The following UGT2B11 variants were observed in gnomAD, a reference collection of about 807,000 sequenced individuals.
UGT2B11 encodes the protein UDP glucuronosyltransferase family 2 member B11.
In UGT2B11, 49 loss-of-function variants were observed where a neutral mutation model predicts 51.7. That is an observed-to-expected ratio of 0.95 (90% confidence interval 0.75 to 1.20). The LOEUF (loss-of-function observed/expected upper bound fraction) is 1.20. UGT2B11 is among the 50% of genes most tolerant of loss of function. UGT2B11 has a pLI of 0.00. For missense variants in UGT2B11, 810 were observed against 622.1 expected (o/e 1.30, Z -3.21); for synonymous variants, 273 against 209.0 (o/e 1.31, Z -2.64).
upstream of UGT2B11, chr4:69,214,940 C>A (rs1359644044): frequency 2.5e-5 from 18 of 711,824 alleles, no homozygotes; most frequent in Non-Finnish European, 4.3e-6. Flanking sequence ...TATTCACTGT[C>A]ATCCACCTAA....
chr4:69,220,335 T>C, the UGT2B11 span, among the ~76,000 whole-genome samples: 1 of 152,096 alleles, frequency 6.6e-6, no homozygotes, highest in Non-Finnish European at 1.5e-5. Flanking sequence ...TCTGTGGTTT[T>C]TCCAGTTGCA....
chr4:69,219,668 A>G (rs559662294), upstream of UGT2B11, among the ~76,000 whole-genome samples: 206 of 152,262 alleles, frequency 1.4e-3, 1 homozygote, highest in South Asian at 3.1e-3. Context: ...AGGCAAGAAG[A>G]CTTGTGTAGG....
the UGT2B11 span, among the ~76,000 whole-genome samples, chr4:69,222,833 A>T: frequency 6.6e-6 from 1 of 152,196 alleles, no homozygotes; most frequent in African/African-American, 2.4e-5. Context: ...ACTGCTTATA[A>T]GGGACATAGT....
the UGT2B11 span, among the ~76,000 whole-genome samples, chr4:69,224,859 C>T: frequency 6.6e-6 from 1 of 151,952 alleles, no homozygotes; most frequent in Non-Finnish European, 1.5e-5. Context: ...TTTCGCTCAC[C>T]TTTTAAACTC....
the UGT2B11 span, among the ~76,000 whole-genome samples, chr4:69,223,037 G>A: frequency 1.3e-5 from 2 of 152,092 alleles, no homozygotes; most frequent in African/African-American, 2.4e-5. Context: ...GTACTGTCAC[G>A]AAGGGCAAAG....
At chr4:69,201,631 C>A (rs1179507265) in intron 5 of UGT2B11, among the ~76,000 whole-genome samples, 2 of 151,846 alleles carry the variant, frequency 1.3e-5, no homozygotes, top group East Asian at 2.0e-4. Flanking sequence ...TTGGAGTATT[C>A]TTTCTTGCTA....
At chr4:69,212,866 A>G (rs1470029910) in intron 1 of UGT2B11, 145 bp from the exon 2 acceptor site, 2 of 718,844 alleles carry the variant, frequency 2.8e-6, no homozygotes, top group African/African-American at 3.8e-5. Context: ...TGAATAATAT[A>G]TTATTATGTA....
chr4:69,201,850 G>A (rs1179844676), intron 5 of UGT2B11, among the ~76,000 whole-genome samples: 7 of 151,736 alleles, frequency 4.6e-5, no homozygotes, highest in Non-Finnish European at 1.0e-4. Flanking sequence ...CATACACTAA[G>A]TGAATAGTTC....
chr4:69,200,554 A>G lies in UGT2B11; in HGVS notation c.1476T>C (p.Asp492=). ...CACAGGCCAGCAGAAACCCAATCACATCCAAAGAGTGGTACTGGAACCAGG... is the reference window on the plus strand; with the variant it reads ...CACAGGCCAGCAGAAACCCAATCACGTCCAAAGAGTGGTACTGGAACCAGG... The part of the protein sequence containing the change: ...DLTWFQYHSL[D]VIGFLLACVA... The change falls in exon 6 of 6, where the codon GAT becomes GAC. Residue 492 remains aspartate (D), a synonymous_variant. Coordinates refer to ENST00000446444, the MANE Select transcript of UGT2B11 (RefSeq NM_001073.3). 1 of 1,612,424 alleles carries G rather than the reference A, an allele frequency of 6.2e-7. No homozygotes were observed. The highest frequency in any genetic ancestry group is 8.5e-7 in the Non-Finnish European group (1 of 1,178,998).
At chr4:69,210,510 C>T (rs1437961488) in intron 2 of UGT2B11, among the ~76,000 whole-genome samples, 1 of 151,582 alleles carries the variant, frequency 6.6e-6, no homozygotes, top group Non-Finnish European at 1.5e-5. Context: ...CGTTGACTTG[C>T]ATTCAAAGCT....
chr4:69,209,583 AAC>A (rs1491051364), intron 2 of UGT2B11, among the ~76,000 whole-genome samples: 1 of 151,102 alleles, frequency 6.6e-6, no homozygotes, highest in East Asian at 2.0e-4. Context: ...CAAAGAAAAA[AAC>A]GTCTAAATGT....
chr4:69,216,603 CAT>C, upstream of UGT2B11: 1 of 151,360 alleles, frequency 6.6e-6, no homozygotes, highest in Non-Finnish European at 1.5e-5. Context: ...CAACTGTCAG[CAT>C]AAGAAACAAA....
chr4:69,204,295 G>A (rs1259471578), intron 5 of UGT2B11, 135 bp downstream of exon 5: 3 of 1,349,416 alleles, frequency 2.2e-6, no homozygotes, highest in Non-Finnish European at 3.0e-6. Flanking sequence ...TAAAAACAAA[G>A]CAGATTTCAG....
chr4:69,206,847 T>C (rs1177633344), intron 3 of UGT2B11, among the ~76,000 whole-genome samples: 2 of 151,624 alleles, frequency 1.3e-5, no homozygotes, highest in Non-Finnish European at 3.0e-5. Flanking sequence ...AGTTTAAATG[T>C]ATCTACTTGT....
chr4:69,204,687 A>T (rs1206160080), intron 4 of UGT2B11, 38 bp from the exon 5 acceptor site: 1 of 1,609,730 alleles, frequency 6.2e-7, no homozygotes, highest in Non-Finnish European at 8.5e-7. Context: ...TATTCATAGG[A>T]ATAAAATGAG....
chr4:69,218,454 A>C (rs549040556), upstream of UGT2B11, among the ~76,000 whole-genome samples: 1,210 of 152,254 alleles, frequency 7.9e-3, 8 homozygotes, highest in Non-Finnish European at 0.013. Context: ...AGGATATATC[A>C]CAAATGTATC....
In UGT2B11 at chr4:69,208,474, C is replaced by T. The variant is rs1338770928; in HGVS notation, c.879G>A (p.Glu293=). Residue 293 remains glutamate (E), a synonymous_variant, in exon 3 of 6, where the codon GAG becomes GAA. Coordinates refer to ENST00000446444, the MANE Select transcript of UGT2B11 (RefSeq NM_001073.3). ...TTTCTCCAGAGCTCTGTACAAACTC[C>T]TCCATTTCCTGTGAAAAAAAAATTG... is the stretch of plus-strand genomic sequence containing the variant. ...KPAKPLPKEM[E]EFVQSSGENG... The T allele has an allele frequency of 5.0e-6, 8 of 1,607,594 alleles. No individual in the cohort carries two copies. Among genetic ancestry groups the T allele is most frequent in the African/African-American group, 1.3e-5 (1 of 74,282 alleles).
In UGT2B11 at chr4:69,204,486, G is replaced by A. The variant is rs1560536638; in HGVS notation, c.1254C>T (p.Asn418=). ...AKGAAVRLDF[N]TMSSTDLLNA... The stretch of plus-strand genomic sequence containing the variant: ...TCAGCAGGTCTGTACTCGACATTGT[G>A]TTGAAGTCCAATCTAACAGCTGCTC... The change falls in exon 5 of 6, where the codon AAC becomes AAT. Residue 418 remains asparagine, a synonymous_variant. Coordinates refer to ENST00000446444, the MANE Select transcript of UGT2B11 (RefSeq NM_001073.3). 3 of 1,612,046 alleles carry A rather than the reference G, an allele frequency of 1.9e-6. No homozygotes were observed. Among genetic ancestry groups the A allele is most frequent in the African/African-American group, 2.7e-5 (2 of 74,718 alleles).
the UGT2B11 span, among the ~76,000 whole-genome samples, chr4:69,221,684 A>G: frequency 6.6e-6 from 1 of 152,230 alleles, no homozygotes. Context: ...AGGCTGTCCT[A>G]AGATTCCTCG....
Sources: gnomAD v4.1 joint callset for allele counts (sites outside exome capture counted in the v4.1 genomes callset) on GRCh38, gnomAD v4.1.1 for gene constraint, MANE v1.5 for transcripts, NCBI Gene and HGNC (gene_info 2026-07-23, HGNC 2026-07-21) for gene names.